LRBA: variants seen among roughly 807,000 people sequenced by gnomAD.
LRBA encodes the protein lipopolysaccharide-responsive and beige-like anchor protein.
LRBA carries 176 observed loss-of-function variants against 330.0 expected under a neutral mutation model. The observed-to-expected ratio is 0.53, with a 90% confidence interval of 0.47 to 0.60. LRBA has a LOEUF of 0.60. Among genes scored for constraint, LRBA ranks in the 20% least tolerant of loss-of-function variants. LRBA has a pLI of 0.00. For missense variants in LRBA, 3,259 were observed against 3,444.8 expected (o/e 0.95, Z 1.35); for synonymous variants, 1,230 against 1,193.0 (o/e 1.03, Z -0.64).
chr4:150,378,594 CAT>C (rs1416658878), intron 47 of LRBA, among the ~76,000 whole-genome samples: 7 of 152,196 alleles, frequency 4.6e-5, no homozygotes, highest in African/African-American at 1.2e-4. Context: ...ACGAGCAACT[CAT>C]ATGCATCAGA....
At chr4:150,805,215 G>GA (rs760370441) in intron 33 of LRBA, among the ~76,000 whole-genome samples, 1 of 113,328 alleles carries the variant, frequency 8.8e-6, no homozygotes, top group African/African-American at 4.3e-5. Context: ...AGGAAGGAAG[G>GA]AAGGAAAGGA....
At chr4:150,569,828 G>C (rs1769617645) in intron 40 of LRBA, among the ~76,000 whole-genome samples, 1 of 151,940 alleles carries the variant, frequency 6.6e-6, no homozygotes, top group African/African-American at 2.4e-5. Flanking sequence ...GAATACCACA[G>C]AGAAAATTAA....
chr4:150,798,211 C>A, intron 33 of LRBA, 69 bp from the exon 34 acceptor site: 1 of 978,882 alleles, frequency 1.0e-6, no homozygotes, highest in South Asian at 1.3e-5. Context: ...CAATTTCATC[C>A]AAACTGTTTC....
intron 22 of LRBA, among the ~76,000 whole-genome samples, chr4:150,861,908 G>A (rs1751991486): frequency 2.0e-5 from 3 of 151,760 alleles, no homozygotes; most frequent in Non-Finnish European, 4.4e-5. Context: ...TTGAACCTGG[G>A]AGGTGGAGGT....
At chr4:151,011,597 C>CAA (rs77338885) in intron 2 of LRBA, among the ~76,000 whole-genome samples, 78 of 90,274 alleles carry the variant, frequency 8.6e-4, no homozygotes, top group East Asian at 1.5e-3. Context: ...GACTCTATCT[C>CAA]AAAAAAAAAA....
At chr4:150,712,043 C>T (rs1214849932) in intron 36 of LRBA, among the ~76,000 whole-genome samples, 1 of 152,060 alleles carries the variant, frequency 6.6e-6, no homozygotes, top group East Asian at 1.9e-4. Flanking sequence ...ATTTTTTACT[C>T]AATTCTTCTG....
intron 2 of LRBA, among the ~76,000 whole-genome samples, chr4:150,973,393 C>T (rs893260832): frequency 1.1e-4 from 17 of 152,114 alleles, no homozygotes; most frequent in African/African-American, 3.9e-4. Context: ...TCTCAAACTC[C>T]CGACCTCAGG....
chr4:150,998,150 G>C (rs931377448), intron 2 of LRBA, among the ~76,000 whole-genome samples: 1 of 151,618 alleles, frequency 6.6e-6, no homozygotes, highest in Non-Finnish European at 1.5e-5. Context: ...TTGGGAGTTC[G>C]GGACTGGCCT....
Position 150,908,760 on chromosome 4 carries a change from G to T in LRBA, c.1259C>A (p.Thr420Lys). Residue 420 changes from threonine to lysine, a missense_variant, in exon 10 of 57, where the codon ACG becomes AAG. Thr to Lys is a moderately conservative substitution (Grantham distance 78). Coordinates refer to ENST00000651943, the MANE Select transcript of LRBA (RefSeq NM_001364905.1). ...DGKLSSAIAF[T>K]YNPRATDAQL... Reference sequence around the variant, plus strand: ...GGCATCTGTAGCCCGTGGATTGTACGTGAATGCAATGGCACTAGAGAGTTT... The same window carrying T: ...GGCATCTGTAGCCCGTGGATTGTACTTGAATGCAATGGCACTAGAGAGTTT... 1 of 1,613,518 alleles carries T rather than the reference G, an allele frequency of 6.2e-7. No individual in the cohort carries two copies. The highest frequency in any genetic ancestry group is 8.5e-7 in the Non-Finnish European group (1 of 1,179,478).
intron 4 of LRBA, among the ~76,000 whole-genome samples, chr4:150,925,447 C>T (rs912985132): frequency 3.3e-5 from 5 of 152,186 alleles, no homozygotes; most frequent in Admixed American, 2.6e-4. Flanking sequence ...TATTAAATCA[C>T]TGGATACAGG....
chr4:150,981,821 G>A lies in LRBA; in HGVS notation c.216+32606C>T, dbSNP rs951301810. On this transcript the variant is annotated intron_variant, in intron 2 of 56. Transcript: ENST00000651943. ...TAAAAATACAAAAAATTAGCCGGGCGTGGTGGTGGCGGGTGCCTGTAGTCC... is the reference window on the plus strand; with the variant it reads ...TAAAAATACAAAAAATTAGCCGGGCATGGTGGTGGCGGGTGCCTGTAGTCC... Among the ~76,000 whole-genome samples, 9 of 152,088 alleles carry A rather than the reference G, an allele frequency of 5.9e-5. No individual in the cohort carries two copies. In the South Asian group the frequency reaches 6.2e-4, roughly 11 times the overall value.
intron 37 of LRBA, among the ~76,000 whole-genome samples, chr4:150,672,293 C>T (rs1782132574): frequency 6.6e-6 from 1 of 151,718 alleles, no homozygotes; most frequent in African/African-American, 2.4e-5. Flanking sequence ...TCAGAACCAA[C>T]ACATCAGTAG....
At chr4:150,501,423 C>T (rs900986446) in intron 40 of LRBA, among the ~76,000 whole-genome samples, 1 of 152,014 alleles carries the variant, frequency 6.6e-6, no homozygotes, top group African/African-American at 2.4e-5. Context: ...ATCAGCTGGG[C>T]AACACAGCAA....
intron 52 of LRBA, among the ~76,000 whole-genome samples, chr4:150,309,238 A>C (rs967313655): frequency 4.6e-5 from 7 of 152,154 alleles, no homozygotes; most frequent in Admixed American, 6.6e-5. Flanking sequence ...ATAATTGCCT[A>C]CAGTATCCCA....
At chr4:150,849,059 T>C (rs1176865297) in intron 25 of LRBA, 61 bp from the exon 26 acceptor site, 1 of 1,152,788 alleles carries the variant, frequency 8.7e-7, no homozygotes, top group Non-Finnish European at 1.2e-6. Context: ...TTTTACCAGA[T>C]ATAGTCCTAA....
chr4:150,480,013 C>T (rs1038425538), intron 42 of LRBA, among the ~76,000 whole-genome samples: 3 of 152,196 alleles, frequency 2.0e-5, no homozygotes, highest in Non-Finnish European at 4.4e-5. Context: ...TAGCTCAATT[C>T]AATACCAAAT....
At chr4:150,579,029 G>A (rs1770882185) in intron 40 of LRBA, 1 of 320,228 alleles carries the variant, frequency 3.1e-6, no homozygotes. Context: ...ATTAACTCAA[G>A]TATGATGAGA....
chr4:150,945,409 T>A (rs1435047836), intron 2 of LRBA, among the ~76,000 whole-genome samples: 1 of 152,208 alleles, frequency 6.6e-6, no homozygotes, highest in Non-Finnish European at 1.5e-5. Flanking sequence ...TGTGCTGGCA[T>A]GCCACGATGT....
chr4:150,973,764 GAGA>G (rs1296620837), intron 2 of LRBA, among the ~76,000 whole-genome samples: 1 of 152,052 alleles, frequency 6.6e-6, no homozygotes, highest in Non-Finnish European at 1.5e-5. Context: ...AGGCTGAAGC[GAGA>G]AGATCACTTC....
Sources: gnomAD v4.1 joint callset for allele counts (sites outside exome capture counted in the v4.1 genomes callset) on GRCh38, gnomAD v4.1.1 for gene constraint, MANE v1.5 for transcripts, NCBI Gene and HGNC (gene_info 2026-07-23, HGNC 2026-07-21) for gene names.